CEP70: variants seen among roughly 807,000 people sequenced by gnomAD.
The protein encoded by CEP70 is centrosomal protein of 70 kDa.
A neutral mutation model predicts 90.9 loss-of-function variants in CEP70; 70 were observed. The ratio of observed to expected loss-of-function variants is 0.77; its 90% CI spans 0.64 to 0.94. The LOEUF (loss-of-function observed/expected upper bound fraction) is 0.94, where lower values mean the gene tolerates loss of function less well. Among genes scored for constraint, CEP70 ranks in the 40% least tolerant of loss-of-function variants. The pLI is 0.00. For missense variants in CEP70, 648 were observed against 669.0 expected, an observed-to-expected ratio of 0.97 and a Z score of 0.35; for synonymous variants, 220 against 228.3, an observed-to-expected ratio of 0.96 and a Z score of 0.33.
At chr3:138,497,106 G>T in intron 17 of CEP70, 1 of 1,052,004 alleles carries the variant, frequency 9.5e-7, no homozygotes, top group Non-Finnish European at 1.1e-6. Context: ...CACTTGCTGT[G>T]ATCTTTTTAA....
chr3:138,512,899 G>C (rs1286489166), intron 11 of CEP70, among the ~76,000 whole-genome samples: 4 of 152,100 alleles, frequency 2.6e-5, no homozygotes, highest in Non-Finnish European at 5.9e-5. Context: ...AAAACACATA[G>C]GTGCATCAAT....
chr3:138,515,050 A>AAAC (rs752450743), intron 11 of CEP70, among the ~76,000 whole-genome samples: 7 of 152,106 alleles, frequency 4.6e-5, no homozygotes, highest in Non-Finnish European at 7.3e-5. Flanking sequence ...GAGCCCAAAT[A>AAAC]AACAACAACA....
At chr3:138,567,051 A>T (rs747726199) in intron 6 of CEP70, among the ~76,000 whole-genome samples, 27 of 152,174 alleles carry the variant, frequency 1.8e-4, no homozygotes, top group Non-Finnish European at 3.2e-4. Flanking sequence ...AAAAAGGAAT[A>T]AACTATGGAT....
chr3:138,587,270 G>T (rs999142083), intron 2 of CEP70, among the ~76,000 whole-genome samples: 5 of 132,008 alleles, frequency 3.8e-5, no homozygotes, highest in African/African-American at 1.4e-4. Flanking sequence ...GAGAAATAGA[G>T]ATTAAAAGGA....
chr3:138,555,914 G>A (rs1034619635), intron 6 of CEP70, among the ~76,000 whole-genome samples: 2 of 152,168 alleles, frequency 1.3e-5, no homozygotes, highest in African/African-American at 2.4e-5. Context: ...CCACTACTGG[G>A]TATCTACCCA....
intron 7 of CEP70, among the ~76,000 whole-genome samples, chr3:138,536,635 T>C (rs1027139452): frequency 2.6e-5 from 4 of 151,902 alleles, no homozygotes; most frequent in Non-Finnish European, 5.9e-5. Context: ...TTATAGGATA[T>C]AGCAAATAAT....
Position 138,505,363 on chromosome 3 carries a change from G to A in CEP70, c.1153C>T (p.Gln385Ter), listed in dbSNP as rs1454751798. 1 of 1,612,456 alleles carries A rather than the reference G, an allele frequency of 6.2e-7. No homozygotes were observed. The highest frequency in any genetic ancestry group is 8.5e-7 in the Non-Finnish European group (1 of 1,179,372). The part of the protein sequence containing the change: ...GVQNFNKDLV[Q>*]DCGFEHLVPV... Reference sequence around the variant, plus strand: ...ACAAGATGCTCAAATCCACAATCTTGAACAAGATCTTTATTAAAATTTTGG... The same window carrying A: ...ACAAGATGCTCAAATCCACAATCTTAAACAAGATCTTTATTAAAATTTTGG... The change falls in exon 13 of 18, where the codon CAA (glutamine) becomes TAA (stop). Residue 385 changes from glutamine (Q) to a stop codon, truncating the protein, a stop_gained. Coordinates refer to ENST00000264982, the MANE Select transcript of CEP70 (RefSeq NM_024491.4). LOFTEE classifies it high-confidence loss of function.
intron 6 of CEP70, among the ~76,000 whole-genome samples, chr3:138,564,071 T>C (rs1173049510): frequency 2.0e-5 from 3 of 152,178 alleles, no homozygotes; most frequent in Non-Finnish European, 4.4e-5. Context: ...TATAAACATG[T>C]CTATGCAAAT....
intron 6 of CEP70, among the ~76,000 whole-genome samples, chr3:138,567,190 C>A (rs1444219585): frequency 2.0e-5 from 3 of 152,192 alleles, no homozygotes; most frequent in Non-Finnish European, 4.4e-5. Context: ...CAAACATTTG[C>A]AAATTTCCTT....
chr3:138,507,147 A>G (rs1206380811), intron 12 of CEP70, among the ~76,000 whole-genome samples: 2 of 152,228 alleles, frequency 1.3e-5, no homozygotes, highest in Admixed American at 6.5e-5. Flanking sequence ...AACAGTTTTC[A>G]GAAAGGTGCT....
chr3:138,562,734 C>T (rs1029024725), intron 6 of CEP70, among the ~76,000 whole-genome samples: 1 of 152,168 alleles, frequency 6.6e-6, no homozygotes, highest in Admixed American at 6.6e-5. Context: ...ACAACCAGTA[C>T]CAGCCACCGC....
intron 2 of CEP70, among the ~76,000 whole-genome samples, chr3:138,587,148 T>C (rs2042144427): frequency 6.6e-6 from 1 of 151,920 alleles, no homozygotes; most frequent in Non-Finnish European, 1.5e-5. Flanking sequence ...AAATAAAACT[T>C]GGAAATGAGC....
At chr3:138,529,333 T>C in intron 9 of CEP70, 42 bp downstream of exon 9, 2 of 1,562,988 alleles carry the variant, frequency 1.3e-6, no homozygotes, top group Non-Finnish European at 1.7e-6. Context: ...TTAGATTACT[T>C]AGTTTATTAA....
intron 2 of CEP70, among the ~76,000 whole-genome samples, chr3:138,577,863 A>T (rs1214085926): frequency 6.6e-6 from 1 of 152,234 alleles, no homozygotes; most frequent in Non-Finnish European, 1.5e-5. Context: ...AAAGACTTCT[A>T]AAACACTAAA....
chr3:138,508,850 C>T (rs2035248389), intron 11 of CEP70, among the ~76,000 whole-genome samples: 1 of 151,982 alleles, frequency 6.6e-6, no homozygotes, highest in South Asian at 2.1e-4. Flanking sequence ...TCTCCTGCCT[C>T]AGCCTCCTGA....
chr3:138,562,625 A>T (rs2040496227), intron 6 of CEP70, among the ~76,000 whole-genome samples: 1 of 152,214 alleles, frequency 6.6e-6, no homozygotes, highest in Non-Finnish European at 1.5e-5. Flanking sequence ...AGTGAAGGAG[A>T]AATAAAATCC....
intron 2 of CEP70, among the ~76,000 whole-genome samples, chr3:138,589,009 G>A (rs1010240437): frequency 6.6e-6 from 1 of 152,156 alleles, no homozygotes; most frequent in African/African-American, 2.4e-5. Context: ...TCTAGAAAAT[G>A]AAAACCAACT....
intron 6 of CEP70, among the ~76,000 whole-genome samples, chr3:138,551,745 T>TA (rs758898786): frequency 0.017 from 1,395 of 82,340 alleles, 21 homozygotes; most frequent in Middle Eastern, 0.044. Context: ...AAACTCCATC[T>TA]AAAAAAAAAA....
At chr3:138,517,114 G>A (rs1210031731) in intron 11 of CEP70, among the ~76,000 whole-genome samples, 5 of 152,192 alleles carry the variant, frequency 3.3e-5, no homozygotes, top group Non-Finnish European at 7.4e-5. Flanking sequence ...TTGGAGGCTT[G>A]TCACTTCTAA....
Sources: allele counts gnomAD v4.1 joint callset (sites outside exome capture counted in the v4.1 genomes callset), GRCh38; gene constraint gnomAD v4.1.1; transcripts MANE v1.5; gene names NCBI Gene and HGNC (gene_info 2026-07-23, HGNC 2026-07-21).